The following PRKACB variants were observed in gnomAD, a reference collection of about 807,000 sequenced individuals.
PRKACB encodes protein kinase cAMP-activated catalytic subunit beta.
A neutral mutation model predicts 51.4 loss-of-function variants in PRKACB; 16 were observed. That is an observed-to-expected ratio of 0.31 (90% CI 0.21 to 0.47). The LOEUF (loss-of-function observed/expected upper bound fraction) is 0.47, where lower values mean the gene tolerates loss of function less well. Ranked by LOEUF, PRKACB falls within the 20% of genes least tolerant of loss-of-function variation. The probability of loss-of-function intolerance (pLI) is 1.00; values close to 1 mark genes in which losing one functional copy is unlikely to be tolerated. For missense variants in PRKACB, 309 were observed against 464.5 expected (o/e 0.67, Z 3.08); for synonymous variants, 147 against 154.4 (o/e 0.95, Z 0.35).
intron 2 of PRKACB, among the ~76,000 whole-genome samples, chr1:84,180,083 G>A (rs1662757762): frequency 7.1e-6 from 1 of 139,896 alleles, no homozygotes; most frequent in Non-Finnish European, 1.5e-5. Context: ...ATTTGAAAAA[G>A]ATACTTGCAC....
At position 84,235,587 on chromosome 1, in the gene PRKACB, C is replaced by T. The variant is rs1340018877; in HGVS notation, c.*282C>T. The T allele has an allele frequency of 1.3e-5, 4 of 300,214 alleles. No individual in the cohort carries two copies. The highest frequency in any genetic ancestry group is 2.5e-5 in the Non-Finnish European group (4 of 162,364). 18.6% of individuals were successfully genotyped at this position (300,214 alleles called of 1,614,324 possible). ...CTCCTATATCCATTTCTTCCTTTTC[C>T]AATTTCATTGGTTTTCTCTAAACAG... is the stretch of plus-strand genomic sequence containing the variant. On this transcript the variant is annotated 3_prime_UTR_variant, in exon 10 of 10. Transcript: ENST00000370685.
intron 1 of PRKACB, among the ~76,000 whole-genome samples, chr1:84,091,781 A>G (rs1205757885): frequency 6.6e-6 from 1 of 152,182 alleles, no homozygotes; most frequent in African/African-American, 2.4e-5. Context: ...CTGGGATTAC[A>G]GGCGTAAGCC....
intron 1 of PRKACB, among the ~76,000 whole-genome samples, chr1:84,132,298 A>T (rs553319498): frequency 2.8e-4 from 43 of 152,328 alleles, no homozygotes; most frequent in African/African-American, 9.9e-4. Flanking sequence ...TCTGAGGAAT[A>T]GTACTGAGAT....
At chr1:84,134,222 G>A (rs1371244679) in intron 1 of PRKACB, among the ~76,000 whole-genome samples, 2 of 152,124 alleles carry the variant, frequency 1.3e-5, no homozygotes, top group East Asian at 3.9e-4. Context: ...GGGTTTTTAT[G>A]GGTATAGGAT....
Position 84,197,659 on chromosome 1 carries a change from A to G in PRKACB, c.688-70A>G, listed in dbSNP as rs182917251. ...TTTCAATTTGAATTTTAAACTTTCA[A>G]CGTAGGTGCAATAAATACATTTATT... is the stretch of plus-strand genomic sequence containing the variant. On this transcript the variant is annotated intron_variant, in intron 6 of 9. Transcript: ENST00000370685. 22 of 1,008,374 alleles carry G rather than the reference A, an allele frequency of 2.2e-5. No individual in the cohort carries two copies. In the Admixed American group the frequency reaches 3.6e-4, roughly 16 times the overall value. 62.5% of individuals were successfully genotyped at this position (1,008,374 alleles called of 1,614,324 possible).
chr1:84,174,891 T>A (rs1389591711), intron 1 of PRKACB: 1 of 740,642 alleles, frequency 1.4e-6, no homozygotes, highest in Non-Finnish European at 1.9e-6. Flanking sequence ...CTTATTTGAA[T>A]ACATACAATC....
chr1:84,127,047 T>C (rs543756438), intron 1 of PRKACB, among the ~76,000 whole-genome samples: 59 of 152,222 alleles, frequency 3.9e-4, no homozygotes, highest in Non-Finnish European at 6.8e-4. Flanking sequence ...TATTCCTCTA[T>C]CTGGGTCTTT....
intron 1 of PRKACB, among the ~76,000 whole-genome samples, chr1:84,151,362 G>A (rs572710703): frequency 2.0e-5 from 3 of 152,220 alleles, no homozygotes; most frequent in Admixed American, 6.5e-5. Context: ...GCTGGTGGAG[G>A]GTCTTGCATT....
chr1:84,207,528 CAATT>C (rs1671528092), intron 8 of PRKACB, among the ~76,000 whole-genome samples: 1 of 152,076 alleles, frequency 6.6e-6, no homozygotes, highest in Admixed American at 6.6e-5. Flanking sequence ...TTTGATCAAT[CAATT>C]CTTTACTGGG....
At chr1:84,181,644 G>A (rs1487900393) in intron 2 of PRKACB, 4 of 1,428,628 alleles carry the variant, frequency 2.8e-6, no homozygotes, top group Middle Eastern at 1.9e-4. Context: ...AAGAGAGAAA[G>A]CCACTAGGCT....
chr1:84,098,380 T>C (rs916668411), intron 1 of PRKACB, among the ~76,000 whole-genome samples: 2 of 152,148 alleles, frequency 1.3e-5, no homozygotes, highest in African/African-American at 4.8e-5. Flanking sequence ...CCCATTTTGT[T>C]TCCCTTTTAA....
Position 84,147,454 on chromosome 1 carries a change from A to T in PRKACB, c.187+2906A>T, listed in dbSNP as rs190199733. Among the ~76,000 whole-genome samples the T allele has an allele frequency of 1.2e-3, 177 of 152,168 alleles. 1 individual carries two copies. The highest frequency in any genetic ancestry group is 4.1e-4 in the Non-Finnish European group (28 of 67,920). ...TCTTTTTATCAGCTTTTTCCACTTG[A>T]AACTATTCCATAAGCTTCTTGATAA... On this transcript the variant is annotated intron_variant, in intron 1 of 9. Coordinates refer to ENST00000370685, the MANE Select transcript of PRKACB (RefSeq NM_182948.4).
At chr1:84,078,818 G>A (rs1189240382) in intron 1 of PRKACB, among the ~76,000 whole-genome samples, 2 of 152,160 alleles carry the variant, frequency 1.3e-5, no homozygotes, top group African/African-American at 4.8e-5. Context: ...ACAAGGCGGG[G>A]GCTGCTAGTC....
intron 9 of PRKACB, among the ~76,000 whole-genome samples, chr1:84,223,690 A>G (rs1372496453): frequency 2.0e-5 from 3 of 151,700 alleles, no homozygotes; most frequent in African/African-American, 4.8e-5. Flanking sequence ...TTTTTATGCT[A>G]TCTCTCTGTT....
intron 3 of PRKACB, 22 bp from the exon 4 acceptor site, chr1:84,184,015 G>T (rs1664379590): frequency 5.1e-6 from 8 of 1,555,942 alleles, no homozygotes; most frequent in Non-Finnish European, 6.9e-6. Flanking sequence ...TACATTAAGA[G>T]ATATTTATCT....
At chr1:84,086,161 T>A in intron 1 of PRKACB, 1 of 1,597,264 alleles carries the variant, frequency 6.3e-7, no homozygotes, top group Non-Finnish European at 8.6e-7. Context: ...AGAATGGGGA[T>A]GTGGTGGACA....
chr1:84,235,348 C>T lies in PRKACB; in HGVS notation c.*43C>T. The stretch of plus-strand genomic sequence containing the variant: ...TCTGAGCTCACACTCAGTGTTTGCA[C>T]TCTGTTGAGAGATAAGGTAGAGCTG... On this transcript the variant is annotated 3_prime_UTR_variant, in exon 10 of 10. Coordinates refer to ENST00000370685, the MANE Select transcript of PRKACB (RefSeq NM_182948.4). 14 of 1,611,826 alleles carry T rather than the reference C, an allele frequency of 8.7e-6. No homozygotes were observed. The highest frequency in any genetic ancestry group is 1.2e-5 in the Non-Finnish European group (14 of 1,178,890).
At chr1:84,112,054 A>G (rs1213819200) in intron 1 of PRKACB, among the ~76,000 whole-genome samples, 2 of 152,134 alleles carry the variant, frequency 1.3e-5, no homozygotes, top group Non-Finnish European at 2.9e-5. Context: ...ATAAGAAACC[A>G]ATACTGCAAT....
At chr1:84,193,566 G>A (rs1667395663) in intron 5 of PRKACB, among the ~76,000 whole-genome samples, 2 of 152,186 alleles carry the variant, frequency 1.3e-5, no homozygotes, top group Non-Finnish European at 2.9e-5. Flanking sequence ...ATTGGCACTA[G>A]CAAAGTTTTG....
Sources: allele counts gnomAD v4.1 joint callset (sites outside exome capture counted in the v4.1 genomes callset), GRCh38; gene constraint gnomAD v4.1.1; transcripts MANE v1.5; gene names NCBI Gene and HGNC (gene_info 2026-07-23, HGNC 2026-07-21).